USP34: variants seen among roughly 807,000 people sequenced by gnomAD.
The protein encoded by USP34 is ubiquitin carboxyl-terminal hydrolase 34.
In USP34, 70 loss-of-function variants were observed where a neutral mutation model predicts 460.3. The ratio of observed to expected loss-of-function variants is 0.15; its 90% CI spans 0.13 to 0.19. The LOEUF is 0.19. Among genes scored for constraint, USP34 ranks in the 10% least tolerant of loss-of-function variants. USP34 has a pLI of 1.00. For synonymous variants in USP34, 1,647 were observed against 1,405.3 expected, an observed-to-expected ratio of 1.17 and a Z score of -3.85; for missense variants, 3,985 against 4,236.2, an observed-to-expected ratio of 0.94 and a Z score of 1.65.
intron 43 of USP34, among the ~76,000 whole-genome samples, chr2:61,261,099 C>A (rs1235160348): frequency 4.6e-5 from 7 of 152,122 alleles, no homozygotes; most frequent in Admixed American, 2.0e-4. Flanking sequence ...AAAGGTAAGG[C>A]TATTCCTCAA....
At chr2:61,452,306 T>TA in intron 1 of USP34, among the ~76,000 whole-genome samples, 1 of 149,142 alleles carries the variant, frequency 6.7e-6, no homozygotes, top group South Asian at 2.1e-4. Context: ...CTCGTGCCTA[T>TA]AATTCCCGGC....
In USP34 at chr2:61,245,307, T is replaced by C; in HGVS notation, c.6549-19A>G. ...AAGATACCTAAAATAGAGCATATAG[T>C]ATTAATCTAGTATGCATATAATGAG... On this transcript the variant is annotated intron_variant, in intron 50 of 79. Coordinates refer to ENST00000398571, the MANE Select transcript of USP34 (RefSeq NM_014709.4). 6.6e-7 allele frequency: 1 copy of C among 1,506,742 alleles called. No homozygotes were observed. Among genetic ancestry groups the C allele is most frequent in the Non-Finnish European group, 9.1e-7 (1 of 1,095,010 alleles). 93.3% of individuals were successfully genotyped at this position (1,506,742 alleles called of 1,614,324 possible).
intron 67 of USP34, among the ~76,000 whole-genome samples, chr2:61,218,910 TAA>T (rs1173475270): frequency 3.9e-5 from 6 of 152,194 alleles, no homozygotes; most frequent in East Asian, 1.9e-4. Flanking sequence ...AGTTGTACTG[TAA>T]AGTTTCTTCA....
intron 1 of USP34, among the ~76,000 whole-genome samples, chr2:61,451,413 G>A (rs1471425114): frequency 6.6e-6 from 1 of 151,664 alleles, no homozygotes; most frequent in South Asian, 2.1e-4. Context: ...TGCTGGGTGC[G>A]GTGGCTCACG....
chr2:61,406,733 A>C (rs1693885002), intron 2 of USP34, among the ~76,000 whole-genome samples: 1 of 151,134 alleles, frequency 6.6e-6, no homozygotes, highest in Admixed American at 6.6e-5. Context: ...GGCCAGGCGC[A>C]GTGGCTCACG....
At chr2:61,258,212 G>C (rs1309550702) in intron 44 of USP34, among the ~76,000 whole-genome samples, 1 of 152,142 alleles carries the variant, frequency 6.6e-6, no homozygotes, top group Non-Finnish European at 1.5e-5. Flanking sequence ...AAGATAGCCA[G>C]GCATGGTGGT....
rs189391144 is a variant in USP34, at chr2:61,268,679, T to G, written c.5434-2512A>C. ...ACTTATAATTCAGAAGAAATTCAATTTAAAAAGTTATCAAAAACTTCCATG... is the reference window on the plus strand; with the variant it reads ...ACTTATAATTCAGAAGAAATTCAATGTAAAAAGTTATCAAAAACTTCCATG... On this transcript the variant is annotated intron_variant, in intron 41 of 79. Coordinates refer to ENST00000398571, the MANE Select transcript of USP34 (RefSeq NM_014709.4). Among the ~76,000 whole-genome samples the G allele has an allele frequency of 4.6e-5, 7 of 152,112 alleles. No individual in the cohort carries two copies. In the East Asian group the frequency reaches 1.4e-3, roughly 29 times the overall value.
At chr2:61,426,804 C>T (rs1243288977) in intron 1 of USP34, among the ~76,000 whole-genome samples, 2 of 152,198 alleles carry the variant, frequency 1.3e-5, no homozygotes, top group Non-Finnish European at 2.9e-5. Flanking sequence ...GTCATGGTGG[C>T]CACAGGGGTG....
Position 61,350,640 on chromosome 2 carries a change from A to G in USP34, c.1305T>C (p.Asn435=), listed in dbSNP as rs1178384456. 6.2e-7 allele frequency: 1 copy of G among 1,613,892 alleles called. No homozygotes were observed. Among genetic ancestry groups the G allele is most frequent in the Non-Finnish European group, 8.5e-7 (1 of 1,179,902 alleles). ...GATGTCTAAGTGGTACGGGATCCAA[A>G]TTCTTGATGAGTGAAGGAAATAAGT... ...IHDLFPSLIK[N]LDPVPLRHLL... Residue 435 remains asparagine (N), a synonymous_variant, in exon 11 of 80, where the codon AAT becomes AAC. Transcript: ENST00000398571.
At chr2:61,343,438 A>G (rs531176217) in intron 16 of USP34, among the ~76,000 whole-genome samples, 1 of 152,192 alleles carries the variant, frequency 6.6e-6, no homozygotes, top group African/African-American at 2.4e-5. Flanking sequence ...TATTCTAGAC[A>G]TATCATATAA....
At chr2:61,271,345 CTGA>C (rs548461601) in intron 41 of USP34, among the ~76,000 whole-genome samples, 11 of 152,144 alleles carry the variant, frequency 7.2e-5, no homozygotes, top group Non-Finnish European at 1.5e-4. Flanking sequence ...TTCTAAATCT[CTGA>C]TGATATCTCT....
chr2:61,229,020 A>G, intron 59 of USP34, 25 bp from the exon 60 acceptor site: 1 of 1,512,486 alleles, frequency 6.6e-7, no homozygotes, highest in Non-Finnish European at 8.9e-7. Flanking sequence ...AATAGATCTT[A>G]GAGAATGTAT....
intron 41 of USP34, among the ~76,000 whole-genome samples, chr2:61,274,441 C>G (rs1005048796): frequency 8.1e-6 from 1 of 123,242 alleles, no homozygotes; most frequent in African/African-American, 3.1e-5. Flanking sequence ...GAAGTCAAGA[C>G]AGAAAAAAAA....
intron 19 of USP34, among the ~76,000 whole-genome samples, chr2:61,331,862 G>C (rs920113553): frequency 1.3e-5 from 2 of 151,892 alleles, no homozygotes; most frequent in Non-Finnish European, 2.9e-5. Context: ...AACACAAATA[G>C]TGGCATATAC....
intron 23 of USP34, among the ~76,000 whole-genome samples, chr2:61,317,409 C>T (rs904821734): frequency 6.6e-6 from 1 of 152,088 alleles, no homozygotes; most frequent in East Asian, 1.9e-4. Context: ...TGTCTGTAAT[C>T]CCAGCTACTT....
chr2:61,323,500 G>A (rs992127965), intron 21 of USP34, among the ~76,000 whole-genome samples: 2 of 135,358 alleles, frequency 1.5e-5, no homozygotes, highest in Non-Finnish European at 3.1e-5. Flanking sequence ...GGGCAACAGA[G>A]CAAGACTCCG....
chr2:61,285,455 C>A (rs1343715253), intron 34 of USP34, among the ~76,000 whole-genome samples: 1 of 145,188 alleles, frequency 6.9e-6, no homozygotes. Flanking sequence ...CCACTGCACT[C>A]CAGCCTGAAC....
At position 61,348,255 on chromosome 2, in the gene USP34, G is replaced by T. The variant is rs1558542376; in HGVS notation, c.1900C>A (p.Pro634Thr). The change falls in exon 15 of 80, where the codon CCC becomes ACC. Residue 634 changes from proline (P) to threonine (T), a missense_variant. Pro to Thr is a conservative substitution (Grantham distance 38). Transcript: ENST00000398571. ...AGATCTGTACCACAACTGCTTTTGGGAGGATTATGACCATGATCATCGTCT... is the reference window on the plus strand; with the variant it reads ...AGATCTGTACCACAACTGCTTTTGGTAGGATTATGACCATGATCATCGTCT... ...DEDDDHGHNP[P>T]KSSCGTDLRN... is the part of the protein sequence containing the mutation. 6.2e-7 allele frequency: 1 copy of T among 1,614,178 alleles called. No homozygotes were observed. The highest frequency in any genetic ancestry group is 8.5e-7 in the Non-Finnish European group (1 of 1,180,020).
At chr2:61,375,345 T>A (rs891493492) in intron 8 of USP34, among the ~76,000 whole-genome samples, 1 of 152,146 alleles carries the variant, frequency 6.6e-6, no homozygotes, top group Non-Finnish European at 1.5e-5. Flanking sequence ...ACAGCTCCAA[T>A]GAAAGTTAAA....
Sources: allele counts gnomAD v4.1 joint callset (sites outside exome capture counted in the v4.1 genomes callset), GRCh38; gene constraint gnomAD v4.1.1; transcripts MANE v1.5; gene names NCBI Gene and HGNC (gene_info 2026-07-23, HGNC 2026-07-21).